PLXNA4: variants seen among roughly 807,000 people sequenced by gnomAD.
The protein encoded by PLXNA4 is plexin A4, also known as plexin-A4.
PLXNA4 carries 44 observed loss-of-function variants against 191.8 expected under a neutral mutation model. That is an observed-to-expected ratio of 0.23 (90% confidence interval 0.18 to 0.29). The LOEUF is 0.29. Among genes scored for constraint, PLXNA4 ranks in the 10% least tolerant of loss-of-function variants. The probability of loss-of-function intolerance (pLI) is 1.00; values close to 1 mark genes in which losing one functional copy is unlikely to be tolerated. For missense variants in PLXNA4, 1,800 were observed against 2,488.8 expected, an observed-to-expected ratio of 0.72 and a Z score of 5.89; for synonymous variants, 1,082 against 1,009.5, an observed-to-expected ratio of 1.07 and a Z score of -1.36.
intron 2 of PLXNA4, among the ~76,000 whole-genome samples, chr7:132,498,177 T>C (rs536930336): frequency 6.6e-6 from 1 of 152,306 alleles, no homozygotes; most frequent in South Asian, 2.1e-4. Flanking sequence ...TTTATTATAG[T>C]ATACTGTCAT....
intron 4 of PLXNA4, among the ~76,000 whole-genome samples, chr7:132,263,954 AG>A (rs1799749897): frequency 1.3e-5 from 2 of 152,306 alleles, no homozygotes; most frequent in South Asian, 2.1e-4. Context: ...CAAGCTTTCT[AG>A]GGTGCATAAA....
At chr7:132,282,392 G>A (rs139246121) in intron 4 of PLXNA4, among the ~76,000 whole-genome samples, 1 of 151,954 alleles carries the variant, frequency 6.6e-6, no homozygotes, top group Non-Finnish European at 1.5e-5. Context: ...GGGCAACATG[G>A]AGAAACCCCA....
chr7:132,449,393 T>C (rs1024622983), intron 3 of PLXNA4, among the ~76,000 whole-genome samples: 2 of 152,210 alleles, frequency 1.3e-5, no homozygotes, highest in Admixed American at 6.5e-5. Flanking sequence ...ATGAAGCTGG[T>C]GCCACCATGT....
At chr7:132,385,397 T>C (rs1476033603) in intron 3 of PLXNA4, 2 of 1,421,000 alleles carry the variant, frequency 1.4e-6, no homozygotes, top group South Asian at 1.5e-5. Flanking sequence ...TAAATATGTA[T>C]TACAGTTCTG....
intron 3 of PLXNA4, among the ~76,000 whole-genome samples, chr7:132,338,440 G>A (rs1263078601): frequency 2.0e-5 from 3 of 152,204 alleles, no homozygotes; most frequent in Non-Finnish European, 2.9e-5. Flanking sequence ...TACCTCTGAC[G>A]TTGTCAAAGC....
chr7:132,456,008 T>G (rs1256730736), intron 3 of PLXNA4, among the ~76,000 whole-genome samples: 2 of 152,130 alleles, frequency 1.3e-5, no homozygotes, highest in Non-Finnish European at 2.9e-5. Context: ...CTGGCCCTGA[T>G]GGGCCTGACA....
At chr7:132,472,588 A>C (rs577889421) in intron 3 of PLXNA4, among the ~76,000 whole-genome samples, 132 of 152,336 alleles carry the variant, frequency 8.7e-4, no homozygotes, top group African/African-American at 3.1e-3. Flanking sequence ...ACCGCCTCCC[A>C]AGCCTGCTGG....
chr7:132,515,217 C>T (rs541313750), intron 1 of PLXNA4, among the ~76,000 whole-genome samples: 1 of 152,218 alleles, frequency 6.6e-6, no homozygotes, highest in African/African-American at 2.4e-5. Flanking sequence ...GGGGTGAGAG[C>T]AGGGGACAGG....
chr7:132,555,051 A>AAAAAACAAAAAAAAC (rs1554467865), intron 1 of PLXNA4, among the ~76,000 whole-genome samples: 2 of 151,228 alleles, frequency 1.3e-5, no homozygotes, highest in African/African-American at 4.9e-5. Flanking sequence ...GAAGGAAAAA[A>AAAAAACAAAAAAAAC]AAAAACAAAA....
At chr7:132,291,637 C>T (rs1800895505) in intron 4 of PLXNA4, among the ~76,000 whole-genome samples, 1 of 152,190 alleles carries the variant, frequency 6.6e-6, no homozygotes, top group African/African-American at 2.4e-5. Flanking sequence ...CACACACACA[C>T]TCCATTCTCT....
intron 3 of PLXNA4, among the ~76,000 whole-genome samples, chr7:132,481,669 C>T (rs1366773663): frequency 6.6e-6 from 1 of 152,208 alleles, no homozygotes; most frequent in Non-Finnish European, 1.5e-5. Flanking sequence ...GGAAACGACC[C>T]CTTCCTAAGA....
intron 3 of PLXNA4, among the ~76,000 whole-genome samples, chr7:132,476,207 G>T (rs1428116808): frequency 6.6e-6 from 1 of 152,154 alleles, no homozygotes; most frequent in African/African-American, 2.4e-5. Flanking sequence ...GAAGAGCTTA[G>T]ACAGAATCAA....
chr7:132,505,132 C>T (rs1284117152), intron 2 of PLXNA4, among the ~76,000 whole-genome samples: 1 of 152,228 alleles, frequency 6.6e-6, no homozygotes, highest in East Asian at 1.9e-4. Context: ...TTGCCTGTAA[C>T]TTGAAAGGGC....
chr7:132,385,154 C>A, intron 3 of PLXNA4: 1 of 1,612,624 alleles, frequency 6.2e-7, no homozygotes, highest in South Asian at 1.1e-5. Flanking sequence ...GCTGACAACA[C>A]ACTAAATAAG....
intron 29 of PLXNA4, 30 bp downstream of exon 29, chr7:132,145,089 C>T (rs374908825): frequency 7.4e-6 from 12 of 1,613,324 alleles, no homozygotes; most frequent in Admixed American, 3.3e-5. Context: ...TCAGGGCTCC[C>T]GATGTGCCCC....
intron 4 of PLXNA4, among the ~76,000 whole-genome samples, chr7:132,296,866 C>T (rs714678): frequency 0.017 from 2,527 of 152,152 alleles, 74 homozygotes; most frequent in African/African-American, 0.058. Flanking sequence ...GGAAAAAATA[C>T]TCCATTTTCC....
intron 2 of PLXNA4, among the ~76,000 whole-genome samples, chr7:132,500,762 C>T (rs1233367560): frequency 2.6e-5 from 4 of 152,152 alleles, no homozygotes; most frequent in Non-Finnish European, 5.9e-5. Flanking sequence ...TCGTTATTAA[C>T]ATCTGTATAT....
At chr7:132,556,517 C>A (rs1800810061) in intron 1 of PLXNA4, among the ~76,000 whole-genome samples, 1 of 152,220 alleles carries the variant, frequency 6.6e-6, no homozygotes, top group African/African-American at 2.4e-5. Flanking sequence ...CCTATAATCA[C>A]TGGAAATGAG....
intron 3 of PLXNA4, among the ~76,000 whole-genome samples, chr7:132,341,322 C>CT (rs1803018453): frequency 6.6e-6 from 1 of 151,954 alleles, no homozygotes; most frequent in Non-Finnish European, 1.5e-5. Flanking sequence ...GTACAGCACA[C>CT]TATAATTTTA....
Sources: allele counts gnomAD v4.1 joint callset (sites outside exome capture counted in the v4.1 genomes callset), GRCh38; gene constraint gnomAD v4.1.1; transcripts MANE v1.5; gene names NCBI Gene and HGNC (gene_info 2026-07-23, HGNC 2026-07-21).